Variants in FBXL13 observed in about 807,000 individuals in gnomAD.
FBXL13 encodes the protein F-box and leucine-rich repeat protein 13.
In FBXL13, 67 loss-of-function variants were observed where a neutral mutation model predicts 83.6. The ratio of observed to expected loss-of-function variants is 0.80; its 90% CI spans 0.66 to 0.98. The LOEUF (loss-of-function observed/expected upper bound fraction) is 0.98, where lower values mean the gene tolerates loss of function less well. Ranked by LOEUF, FBXL13 falls within the 50% of genes least tolerant of loss-of-function variation. The pLI, the probability that FBXL13 is intolerant of heterozygous loss-of-function variation, is 0.00. For missense variants in FBXL13, 822 were observed against 866.5 expected (o/e 0.95, Z 0.64); for synonymous variants, 272 against 299.5 (o/e 0.91, Z 0.95).
intron 2 of FBXL13, 108 bp from the exon 3 acceptor site, chr7:103,055,286 C>T (rs1433963807): frequency 3.5e-5 from 19 of 546,348 alleles, no homozygotes; most frequent in Non-Finnish European, 5.1e-5. Context: ...AGAAGGAAAA[C>T]ACATTTCCCC....
chr7:102,857,147 G>C (rs1043224372), intron 16 of FBXL13, among the ~76,000 whole-genome samples: 4 of 151,428 alleles, frequency 2.6e-5, no homozygotes, highest in African/African-American at 7.4e-5. Context: ...AGAAAACAGG[G>C]GGAATGCTTC....
intron 18 of FBXL13, among the ~76,000 whole-genome samples, chr7:102,831,834 A>ACT (rs1219279518): frequency 6.6e-6 from 1 of 151,570 alleles, no homozygotes; most frequent in Admixed American, 6.6e-5. Context: ...ATGGGCCCTC[A>ACT]CTCTTCATCT....
Position 102,897,343 on chromosome 7 carries a change from G to A in FBXL13, c.1009-13031C>T, listed in dbSNP as rs115274737. On this transcript the variant is annotated intron_variant, in intron 11 of 19. Coordinates refer to ENST00000313221, the Ensembl canonical transcript of FBXL13. Reference sequence around the variant, plus strand: ...GAGAGATGAAGAGGTAACTTAAAGAGGCACTTTAACAAATACTATTAAAAG... The same window carrying A: ...GAGAGATGAAGAGGTAACTTAAAGAAGCACTTTAACAAATACTATTAAAAG... Among the ~76,000 whole-genome samples the A allele has an allele frequency of 2.0e-3, 308 of 151,944 alleles. 1 individual carries two copies. Among genetic ancestry groups the A allele is most frequent in the African/African-American group, 7.2e-3 (298 of 41,420 alleles).
At chr7:102,884,031 G>A (rs1810461935) in intron 12 of FBXL13, among the ~76,000 whole-genome samples, 183 bp downstream of exon 13, 2 of 152,136 alleles carry the variant, frequency 1.3e-5, no homozygotes, top group South Asian at 4.1e-4. Flanking sequence ...AGGTTTCTTA[G>A]GATATTTAAG....
chr7:102,860,702 GTACTTACTA>G (rs1318927536), intron 16 of FBXL13, among the ~76,000 whole-genome samples: 1 of 152,002 alleles, frequency 6.6e-6, no homozygotes, highest in Admixed American at 6.6e-5. Flanking sequence ...TGTGTGGTGT[GTACTTACTA>G]TACGGCTGAG....
chr7:103,072,468 G>C (rs1799062242), intron 1 of FBXL13, among the ~76,000 whole-genome samples: 1 of 152,130 alleles, frequency 6.6e-6, no homozygotes, highest in Non-Finnish European at 1.5e-5. Context: ...AGCTGGTAAG[G>C]AAGGAATGCT....
At position 103,052,803 on chromosome 7, in the gene FBXL13, C is replaced by A. The variant is rs148236632; in HGVS notation, c.-1+2841G>T. Among the ~76,000 whole-genome samples the A allele has an allele frequency of 9.2e-3, 1,353 of 147,730 alleles. 19 individuals are homozygous for A. Among genetic ancestry groups the A allele is most frequent in the East Asian group, 0.065 (324 of 5,016 alleles). The stretch of plus-strand genomic sequence containing the variant: ...TGGAGTTTCATTCTGGTCGCCCAGG[C>A]TGGAGTGCAGTGGCACGATCTCGGC... On this transcript the variant is annotated intron_variant, in intron 2 of 19. Coordinates refer to ENST00000313221, the Ensembl canonical transcript of FBXL13.
intron 11 of FBXL13, among the ~76,000 whole-genome samples, chr7:102,902,876 T>C (rs922790649): frequency 1.3e-5 from 2 of 152,222 alleles, no homozygotes; most frequent in Admixed American, 6.5e-5. Context: ...AGTTTTGTTC[T>C]TTTTGCTTAG....
At chr7:102,939,336 T>C (rs772838738) in intron 8 of FBXL13, 8 of 1,098,014 alleles carry the variant, frequency 7.3e-6, no homozygotes, top group South Asian at 6.5e-5. Context: ...CCCTTCTCTT[T>C]AAGAGCTGAT....
chr7:102,848,449 G>A (rs1338396864), intron 17 of FBXL13, among the ~76,000 whole-genome samples: 1 of 94,876 alleles, frequency 1.1e-5, no homozygotes, highest in South Asian at 3.5e-4. Context: ...CCAGCTACTC[G>A]GGAGGCTGAG....
At position 102,902,573 on chromosome 7, in the gene FBXL13, G is replaced by A. The variant is rs558567208; in HGVS notation, c.1008+10513C>T. On this transcript the variant is annotated intron_variant, in intron 11 of 19. Coordinates refer to ENST00000313221, the Ensembl canonical transcript of FBXL13. ...AGTAGTTTCAAAGTTTGAGGTCTTA[G>A]ATTTAAATATTTAATCCATTTTGAT... Among the ~76,000 whole-genome samples the A allele has an allele frequency of 3.8e-3, 575 of 152,218 alleles. 6 individuals carry two copies. Among genetic ancestry groups the A allele is most frequent in the South Asian group, 0.025 (123 of 4,826 alleles).
chr7:103,009,122 T>C (rs1250528368), intron 6 of FBXL13, among the ~76,000 whole-genome samples: 6 of 151,972 alleles, frequency 3.9e-5, no homozygotes, highest in East Asian at 1.9e-4. Flanking sequence ...AAAAAAAAGA[T>C]AGCTGCATGA....
intron 10 of FBXL13, among the ~76,000 whole-genome samples, chr7:102,919,003 T>A (rs1343040554): frequency 6.6e-6 from 1 of 152,226 alleles, no homozygotes; most frequent in East Asian, 1.9e-4. Flanking sequence ...GGATCTTAAG[T>A]AATTCCTGAA....
intron 2 of FBXL13, among the ~76,000 whole-genome samples, chr7:103,040,902 A>C (rs183525310): frequency 0.011 from 1,673 of 152,070 alleles, 34 homozygotes; most frequent in African/African-American, 0.039. Flanking sequence ...GACACCCTAA[A>C]ATCACAATTA....
chr7:102,868,064 G>A (rs1413923997), intron 16 of FBXL13, among the ~76,000 whole-genome samples: 1 of 152,076 alleles, frequency 6.6e-6, no homozygotes, highest in Non-Finnish European at 1.5e-5. Flanking sequence ...ATGGGATACA[G>A]TGTGATGTTT....
chr7:103,014,085 G>C (rs539141344), intron 6 of FBXL13, among the ~76,000 whole-genome samples: 2 of 152,236 alleles, frequency 1.3e-5, no homozygotes, highest in Non-Finnish European at 2.9e-5. Context: ...GATTGAACGA[G>C]GAAGAGATTA....
At chr7:102,969,451 T>C (rs1434826638) in intron 6 of FBXL13, among the ~76,000 whole-genome samples, 1 of 151,576 alleles carries the variant, frequency 6.6e-6, no homozygotes, top group Admixed American at 6.6e-5. Flanking sequence ...ATCCCCATCA[T>C]TAAGCAATGC....
At chr7:102,837,112 A>G (rs1289458064) in intron 17 of FBXL13, among the ~76,000 whole-genome samples, 1 of 152,260 alleles carries the variant, frequency 6.6e-6, no homozygotes, top group African/African-American at 2.4e-5. Flanking sequence ...ATATCCCAAG[A>G]TATCTACTTC....
At position 102,877,603 on chromosome 7, in the gene FBXL13, A is replaced by G. The variant is rs999406058; in HGVS notation, c.1509-10T>C. The G allele has an allele frequency of 6.2e-7, 1 of 1,601,776 alleles. No individual in the cohort carries two copies. The highest frequency in any genetic ancestry group is 1.7e-4 in the Middle Eastern group (1 of 5,806). On this transcript the variant is annotated splice_polypyrimidine_tract_variant and intron_variant, in intron 15 of 19. Transcript: ENST00000313221. ...GTTTAAATTAGGGCAGCTAAAAGAA[A>G]GTAGCATGGATTAATTTTAGCTGTC... is the stretch of plus-strand genomic sequence containing the variant.
Sources: allele counts gnomAD v4.1 joint callset (sites outside exome capture counted in the v4.1 genomes callset), GRCh38; gene constraint gnomAD v4.1.1; transcripts MANE v1.5; gene names NCBI Gene and HGNC (gene_info 2026-07-23, HGNC 2026-07-21).